Variants in PCM1 observed in about 807,000 individuals in gnomAD.
The protein encoded by PCM1 is pericentriolar material 1, also known as pericentriolar material 1 protein.
Under a neutral mutation model 241.9 loss-of-function variants are expected in PCM1, and 157 were observed. That is an observed-to-expected ratio of 0.65 (90% CI 0.57 to 0.74). The LOEUF is 0.74. Ranked by LOEUF, PCM1 falls within the 30% of genes least tolerant of loss-of-function variation. The probability of loss-of-function intolerance (pLI) is 0.00; values close to 1 mark genes in which losing one functional copy is unlikely to be tolerated. For synonymous variants in PCM1, 1,085 were observed against 784.9 expected (o/e 1.38, Z -6.39); for missense variants, 3,478 against 2,360.1 (o/e 1.47, Z -9.81).
At chr8:17,934,750 CAA>C (rs1651153036) in intron 2 of PCM1, 1 of 152,152 alleles carries the variant, frequency 6.6e-6, no homozygotes, top group Admixed American at 6.5e-5. Context: ...AGTGGAAATC[CAA>C]AGTCTTCTGC....
chr8:18,013,803 A>G, intron 34 of PCM1, 161 bp from the exon 35 acceptor site: 1 of 570,020 alleles, frequency 1.8e-6, no homozygotes. Flanking sequence ...GCCATCTTGA[A>G]ATCACAACCA....
At chr8:17,961,894 G>T in intron 15 of PCM1, 140 bp from the exon 16 acceptor site, 3 of 587,392 alleles carry the variant, frequency 5.1e-6, no homozygotes, top group Non-Finnish European at 5.6e-6. Context: ...TGTTATCTTC[G>T]GATGATGATG....
At chr8:18,020,916 T>C (rs1564443223) in intron 36 of PCM1, among the ~76,000 whole-genome samples, 1 of 152,194 alleles carries the variant, frequency 6.6e-6, no homozygotes, top group African/African-American at 2.4e-5. Flanking sequence ...TTCTTTCAGC[T>C]ATTCTGCTGC....
intron 38 of PCM1, among the ~76,000 whole-genome samples, chr8:18,027,155 C>G (rs1249541967): frequency 6.6e-6 from 1 of 152,164 alleles, no homozygotes; most frequent in Admixed American, 6.5e-5. Context: ...GAAGGAAAGA[C>G]CCTTCAGATA....
At chr8:17,992,274 T>G (rs570768096) in intron 28 of PCM1, among the ~76,000 whole-genome samples, 7 of 152,330 alleles carry the variant, frequency 4.6e-5, no homozygotes, top group Non-Finnish European at 1.0e-4. Flanking sequence ...GTGAGATTGT[T>G]GGATCAAATG....
In PCM1 at chr8:17,962,968, G is replaced by A. The variant is rs1266148780; in HGVS notation, c.2464-133G>A. On this transcript the variant is annotated intron_variant, in intron 16 of 38. Coordinates refer to ENST00000325083, the MANE Select transcript of PCM1 (RefSeq NM_006197.4). Reference sequence around the variant, plus strand: ...CTATATTATTATTTTAACCTTCATGGACATGTTAGTGTGAAAAGGAGAGAA... The same window carrying A: ...CTATATTATTATTTTAACCTTCATGAACATGTTAGTGTGAAAAGGAGAGAA... 8 of 625,990 alleles carry A rather than the reference G, an allele frequency of 1.3e-5. No individual in the cohort carries two copies. The East Asian group carries it at 2.3e-4, about 18-fold the overall frequency. The allele number at this position is 625,990 out of a possible 1,614,324, so 38.8% of individuals were successfully genotyped here. A position where few individuals can be genotyped will look rare whatever the true frequency, so the allele number is the denominator to read the frequency against.
intron 23 of PCM1, among the ~76,000 whole-genome samples, chr8:17,975,560 G>A (rs182551933): frequency 3.3e-5 from 5 of 152,244 alleles, no homozygotes; most frequent in African/African-American, 1.2e-4. Context: ...AAAGTATAGA[G>A]TGGGGAACAA....
intron 23 of PCM1, among the ~76,000 whole-genome samples, chr8:17,974,370 C>G (rs1335107041): frequency 1.3e-5 from 2 of 152,172 alleles, no homozygotes; most frequent in Non-Finnish European, 2.9e-5. Context: ...GAAAAGCTGA[C>G]ATTTTAAATT....
chr8:17,960,794 G>C (rs183075652), intron 15 of PCM1, among the ~76,000 whole-genome samples: 9 of 152,188 alleles, frequency 5.9e-5, no homozygotes, highest in Admixed American at 2.6e-4. Context: ...AAAGTGCTGG[G>C]ATTACAGGCG....
At position 18,009,622 on chromosome 8, in the gene PCM1, T is replaced by C. The variant is rs1167753350; in HGVS notation, c.5038T>C (p.Leu1680=). The C allele has an allele frequency of 6.3e-7, 1 of 1,596,796 alleles. No individual in the cohort carries two copies. The highest frequency in any genetic ancestry group is 2.3e-5 in the East Asian group (1 of 44,434). The change falls in exon 31 of 39, where the codon TTG becomes CTG. Residue 1680 remains leucine, a synonymous_variant. Coordinates refer to ENST00000325083, the MANE Select transcript of PCM1 (RefSeq NM_006197.4). The part of the protein sequence containing the change: ...EDLLVEISEV[L]FNELAFFKLM... ...TCTTCTTGTAGAGATATCTGAAGTG[T>C]TGTTCAATGAATTGGCTTTCTTTAA...
In PCM1 at chr8:17,956,592, T is replaced by A; in HGVS notation, c.1473-12T>A. 2.0e-6 allele frequency: 3 copies of A among 1,531,804 alleles called. No individual in the cohort carries two copies. The highest frequency in any genetic ancestry group is 2.7e-6 in the Non-Finnish European group (3 of 1,123,316). 94.9% of individuals were successfully genotyped at this position (1,531,804 alleles called of 1,614,324 possible). A position where few individuals can be genotyped will look rare whatever the true frequency, so the allele number is the denominator to read the frequency against. ...GGGTGTAAATCGTATACATAAATTT[T>A]TTGTTTATCAGGAAGTTAAATGAAG... On this transcript the variant is annotated splice_polypyrimidine_tract_variant and intron_variant, in intron 10 of 38. Transcript: ENST00000325083.
chr8:17,990,100 G>A (rs2084010815), intron 27 of PCM1, 121 bp downstream of exon 27: 1 of 686,892 alleles, frequency 1.5e-6, no homozygotes, highest in East Asian at 3.0e-5. Context: ...AAAGAATGTG[G>A]ACTTAATTAT....
chr8:17,949,599 G>C (rs2065228194), intron 7 of PCM1, among the ~76,000 whole-genome samples: 1 of 151,110 alleles, frequency 6.6e-6, no homozygotes, highest in Non-Finnish European at 1.5e-5. Flanking sequence ...GCAGGTTCAA[G>C]TGATTCTCTC....
intron 10 of PCM1, chr8:17,955,942 A>C (rs1164710322): frequency 2.5e-6 from 1 of 401,822 alleles, no homozygotes; most frequent in African/African-American, 2.1e-5. Flanking sequence ...TGGTTTAGAG[A>C]CCAGGCTGTA....
intron 15 of PCM1, among the ~76,000 whole-genome samples, chr8:17,961,303 G>GTTTTT (rs2071828987): frequency 1.1e-5 from 1 of 87,648 alleles, no homozygotes; most frequent in African/African-American, 5.5e-5. Context: ...TTATTGGCTA[G>GTTTTT]CTTTTTTTTT....
intron 36 of PCM1, among the ~76,000 whole-genome samples, chr8:18,020,595 A>T (rs942112748): frequency 6.6e-6 from 1 of 152,224 alleles, no homozygotes; most frequent in African/African-American, 2.4e-5. Flanking sequence ...TTCATTAAAT[A>T]ATTCTGAATA....
At chr8:17,924,973 G>A (rs1250791172) in intron 2 of PCM1, 193 bp downstream of exon 2, 2 of 152,178 alleles carry the variant, frequency 1.3e-5, no homozygotes, top group Non-Finnish European at 2.9e-5. Flanking sequence ...TCTTTGTTCG[G>A]AAAGGCCCTG....
At chr8:17,945,821 T>A (rs1421402236) in intron 6 of PCM1, among the ~76,000 whole-genome samples, 2 of 152,192 alleles carry the variant, frequency 1.3e-5, no homozygotes. Flanking sequence ...TTTGAACTTC[T>A]TTGCTCTCTT....
At chr8:17,977,658 A>C (rs978482897) in intron 23 of PCM1, among the ~76,000 whole-genome samples, 4 of 152,090 alleles carry the variant, frequency 2.6e-5, no homozygotes, top group African/African-American at 9.7e-5. Context: ...ACTGCAAGCT[A>C]CTAGTTGGCA....
Sources: allele counts gnomAD v4.1 joint callset (sites outside exome capture counted in the v4.1 genomes callset), GRCh38; gene constraint gnomAD v4.1.1; transcripts MANE v1.5; gene names NCBI Gene and HGNC (gene_info 2026-07-23, HGNC 2026-07-21).